Variants in ALCAM observed in about 807,000 individuals in gnomAD.
ALCAM encodes CD166 antigen.
ALCAM carries 30 observed loss-of-function variants against 70.9 expected under a neutral mutation model. The observed-to-expected ratio is 0.42, with a 90% CI of 0.32 to 0.57. The LOEUF (loss-of-function observed/expected upper bound fraction) is 0.57. Ranked by LOEUF, ALCAM falls within the 20% of genes least tolerant of loss-of-function variation. The pLI is 0.11. For synonymous variants in ALCAM, 249 were observed against 242.5 expected (o/e 1.03, Z -0.25); for missense variants, 591 against 695.1 (o/e 0.85, Z 1.68).
At chr3:105,502,688 A>C (rs577735657) in intron 1 of ALCAM, among the ~76,000 whole-genome samples, 2 of 152,224 alleles carry the variant, frequency 1.3e-5, no homozygotes, top group African/African-American at 4.8e-5. Context: ...AAGACATATA[A>C]ATGATATTTT....
intron 14 of ALCAM, among the ~76,000 whole-genome samples, chr3:105,567,018 T>C (rs918747899): frequency 2.6e-5 from 4 of 152,276 alleles, no homozygotes; most frequent in African/African-American, 7.2e-5. Context: ...AAGGATCTTT[T>C]CACTGATATA....
intron 12 of ALCAM, among the ~76,000 whole-genome samples, chr3:105,550,909 A>G (rs554155026): frequency 2.1e-4 from 32 of 151,682 alleles, no homozygotes; most frequent in Non-Finnish European, 4.1e-4. Context: ...GCTTCTTCAG[A>G]AAACAATTGT....
At position 105,448,528 on chromosome 3, in the gene ALCAM, G is replaced by A. The variant is rs76016309; in HGVS notation, c.74-71539G>A. Among the ~76,000 whole-genome samples the A allele has an allele frequency of 5.2e-4, 79 of 152,130 alleles. No individual in the cohort carries two copies. In the East Asian group the frequency reaches 0.014, roughly 26 times the overall value. On this transcript the variant is annotated intron_variant, in intron 1 of 15. Coordinates refer to ENST00000306107, the MANE Select transcript of ALCAM (RefSeq NM_001627.4). Reference sequence around the variant, plus strand: ...CAACCTAGAGCAATGAGTAACCATGGCTCCATCCAATTTTCCACATGACAT... The same window carrying A: ...CAACCTAGAGCAATGAGTAACCATGACTCCATCCAATTTTCCACATGACAT...
At chr3:105,530,748 T>C (rs911045432) in intron 3 of ALCAM, among the ~76,000 whole-genome samples, 13 of 152,108 alleles carry the variant, frequency 8.5e-5, no homozygotes, top group African/African-American at 2.6e-4. Context: ...TATTCTAATA[T>C]CTCATGTAAA....
chr3:105,420,843 TTGG>T (rs1276041080), intron 1 of ALCAM, among the ~76,000 whole-genome samples: 1 of 151,510 alleles, frequency 6.6e-6, no homozygotes, highest in East Asian at 1.9e-4. Context: ...ACAACATATC[TTGG>T]TGGAGGTGCA....
At chr3:105,384,938 T>C (rs1349990925) in intron 1 of ALCAM, among the ~76,000 whole-genome samples, 2 of 151,536 alleles carry the variant, frequency 1.3e-5, no homozygotes, top group Non-Finnish European at 3.0e-5. Context: ...TTGAAATATA[T>C]AAACCTAATT....
chr3:105,394,862 C>T (rs558341914), intron 1 of ALCAM, among the ~76,000 whole-genome samples: 77 of 151,942 alleles, frequency 5.1e-4, no homozygotes, highest in Non-Finnish European at 9.9e-4. Context: ...GTAGCTTACA[C>T]AAATTGCCTT....
chr3:105,405,347 C>T (rs1220926078), intron 1 of ALCAM, among the ~76,000 whole-genome samples: 2 of 130,766 alleles, frequency 1.5e-5, no homozygotes, highest in South Asian at 2.5e-4. Context: ...ACTAGACCAA[C>T]AGGAAAATAC....
chr3:105,459,152 C>T (rs1250963056), intron 1 of ALCAM, among the ~76,000 whole-genome samples: 4 of 152,082 alleles, frequency 2.6e-5, no homozygotes, highest in African/African-American at 9.7e-5. Flanking sequence ...GTATGAACTC[C>T]TCCAGAATGC....
In ALCAM at chr3:105,497,296, A is replaced by G. The variant is rs951666853; in HGVS notation, c.74-22771A>G. On this transcript the variant is annotated intron_variant, in intron 1 of 15. Transcript: ENST00000306107. ...GAAGAAAGAGAAGACTTCCCCAGCC[A>G]TTTATGATGATAAGGAACTTTAAGT... Among the ~76,000 whole-genome samples the G allele has an allele frequency of 1.5e-4, 23 of 152,322 alleles. 1 individual carries two copies. The highest frequency in any genetic ancestry group is 5.3e-4 in the African/African-American group (22 of 41,580).
At chr3:105,369,348 C>T (rs1474464020) in intron 1 of ALCAM, among the ~76,000 whole-genome samples, 3 of 152,256 alleles carry the variant, frequency 2.0e-5, no homozygotes, top group South Asian at 2.1e-4. Flanking sequence ...GCCACAGGCT[C>T]GTGTGTCCAG....
intron 9 of ALCAM, among the ~76,000 whole-genome samples, chr3:105,546,554 G>C (rs1420674998): frequency 1.3e-5 from 2 of 151,558 alleles, no homozygotes; most frequent in East Asian, 1.9e-4. Flanking sequence ...TAGGCAACTA[G>C]ACTAATTCAT....
chr3:105,536,014 A>C (rs78678740), intron 6 of ALCAM, among the ~76,000 whole-genome samples: 1,931 of 152,230 alleles, frequency 0.013, 50 homozygotes, highest in African/African-American at 0.043. Flanking sequence ...ACTTGATTTA[A>C]ACCCAAGAAA....
At chr3:105,404,622 T>C (rs1249146833) in intron 1 of ALCAM, among the ~76,000 whole-genome samples, 1 of 148,136 alleles carries the variant, frequency 6.8e-6, no homozygotes, top group Non-Finnish European at 1.5e-5. Flanking sequence ...ATACACAAAA[T>C]AGAACCTCCC....
At chr3:105,382,430 T>C (rs1029061067) in intron 1 of ALCAM, among the ~76,000 whole-genome samples, 2 of 151,986 alleles carry the variant, frequency 1.3e-5, no homozygotes, top group African/African-American at 4.8e-5. Flanking sequence ...AGCAGCATGA[T>C]TTATAGTCCT....
At chr3:105,416,206 T>C (rs2107405441) in intron 1 of ALCAM, among the ~76,000 whole-genome samples, 1 of 152,182 alleles carries the variant, frequency 6.6e-6, no homozygotes, top group Admixed American at 6.6e-5. Context: ...CATTGAAGGA[T>C]ACTTAGTCAT....
chr3:105,537,335 G>T (rs1418226629), intron 6 of ALCAM, among the ~76,000 whole-genome samples: 2 of 151,986 alleles, frequency 1.3e-5, no homozygotes, highest in African/African-American at 4.8e-5. Context: ...TCTCTTGTCT[G>T]CCCACCATTC....
chr3:105,488,389 G>A (rs1938489170), intron 1 of ALCAM, among the ~76,000 whole-genome samples: 1 of 152,074 alleles, frequency 6.6e-6, no homozygotes, highest in African/African-American at 2.4e-5. Flanking sequence ...AGGCAGAAAT[G>A]GAGACCAGGA....
rs755818880 is a variant in ALCAM at position 105,547,375 on chromosome 3, A to T, written c.1241-15A>T. 2 of 1,594,154 alleles carry T rather than the reference A, an allele frequency of 1.3e-6. No individual in the cohort carries two copies. Among genetic ancestry groups the T allele is most frequent in the South Asian group, 2.3e-5 (2 of 87,304 alleles). ...GATCTCAGTTCAACATCTTATTTTA[A>T]TTGTAATATTTCAGGCAAACCTCAA... is the stretch of plus-strand genomic sequence containing the variant. On this transcript the variant is annotated splice_polypyrimidine_tract_variant and intron_variant, in intron 10 of 15. Transcript: ENST00000306107.
Sources: allele counts gnomAD v4.1 joint callset (sites outside exome capture counted in the v4.1 genomes callset), GRCh38; gene constraint gnomAD v4.1.1; transcripts MANE v1.5; gene names NCBI Gene and HGNC (gene_info 2026-07-23, HGNC 2026-07-21).